Variants in HPF1 observed in about 807,000 individuals in gnomAD.
HPF1 encodes histone PARylation factor 1, also known as UPF0609 protein C4orf27.
HPF1 carries 35 observed loss-of-function variants against 38.8 expected under a neutral mutation model. That is an observed-to-expected ratio of 0.90 (90% confidence interval 0.69 to 1.19). The LOEUF (loss-of-function observed/expected upper bound fraction) is 1.19, where lower values mean the gene tolerates loss of function less well. HPF1 is among the 50% of genes most tolerant of loss of function. HPF1 has a pLI of 0.00. For synonymous variants in HPF1, 115 were observed against 139.2 expected (o/e 0.83, Z 1.22); for missense variants, 367 against 405.8 (o/e 0.90, Z 0.82).
At position 169,737,852 on chromosome 4, in the gene HPF1, A is replaced by G. The variant is rs573892274; in HGVS notation, c.649-105T>C. The G allele has an allele frequency of 8.7e-5, 65 of 749,058 alleles. No individual in the cohort carries two copies. In the African/African-American group the frequency reaches 1.0e-3, roughly 12 times the overall value. The allele number at this position is 749,058 out of a possible 1,614,324, so 46.4% of individuals were successfully genotyped here. A position where few individuals can be genotyped will look rare whatever the true frequency, so the allele number is the denominator to read the frequency against. ...ACATTTCTGCCAAAATGTAACATTT[A>G]ATCACATTTTATTTCAGTAAATTTG... On this transcript the variant is annotated intron_variant, in intron 5 of 7. Coordinates refer to ENST00000393381, the MANE Select transcript of HPF1 (RefSeq NM_017867.3).
intron 2 of HPF1, among the ~76,000 whole-genome samples, chr4:169,752,985 G>A (rs567605748): frequency 1.8e-4 from 26 of 148,258 alleles, no homozygotes; most frequent in African/African-American, 5.0e-4. Flanking sequence ...GAAACATCTT[G>A]GAAAATATTT....
intron 1 of HPF1, 47 bp from the exon 2 acceptor site, chr4:169,753,882 T>C (rs1734150808): frequency 2.0e-6 from 3 of 1,471,788 alleles, no homozygotes; most frequent in Non-Finnish European, 2.8e-6. Context: ...TCAGTAACTC[T>C]CCTTGCATAA....
chr4:169,745,855 T>C (rs1233191692), intron 4 of HPF1, among the ~76,000 whole-genome samples: 1 of 152,208 alleles, frequency 6.6e-6, no homozygotes, highest in Non-Finnish European at 1.5e-5. Context: ...GCTACCCTGG[T>C]GGCACTATCT....
intron 7 of HPF1, among the ~76,000 whole-genome samples, chr4:169,731,049 T>C (rs760217776): frequency 3.3e-5 from 5 of 152,198 alleles, no homozygotes; most frequent in Non-Finnish European, 7.3e-5. Flanking sequence ...GCAAAGGTGT[T>C]GGAAAGCTTG....
intron 5 of HPF1, among the ~76,000 whole-genome samples, chr4:169,739,104 G>A (rs1334422776): frequency 1.3e-5 from 2 of 152,048 alleles, no homozygotes; most frequent in South Asian, 2.1e-4. Flanking sequence ...AAACCTGCAC[G>A]TTGTGCACAT....
At chr4:169,756,070 C>T (rs1181682931) in intron 1 of HPF1, among the ~76,000 whole-genome samples, 1 of 152,146 alleles carries the variant, frequency 6.6e-6, no homozygotes, top group Non-Finnish European at 1.5e-5. Context: ...TCAATAATAG[C>T]AAATAGTAAT....
Position 169,742,084 on chromosome 4 carries a change from C to T in HPF1, c.521G>A (p.Arg174Lys), listed in dbSNP as rs1047642. The stretch of plus-strand genomic sequence containing the variant: ...GATTTTCTTTTTATCCGTTATTTCT[C>T]TAAGTTTTTTCGTCAAAAATAATCT... Reference protein sequence around the residue: ...AVKLFLTKKLREITDKKKINL... With the variant: ...AVKLFLTKKLKEITDKKKINL... The change falls in exon 5 of 8, where the codon AGA becomes AAA. Residue 174 changes from arginine (R) to lysine (K), a missense_variant. By Grantham distance (26) the Arg-to-Lys change is conservative. Transcript: ENST00000393381. The T allele has an allele frequency of 0.81, 1,310,740 of 1,610,430 alleles. 534,763 individuals carry two copies. Among genetic ancestry groups the T allele is most frequent in the East Asian group, 0.92 (41,370 of 44,856 alleles).
intron 5 of HPF1, among the ~76,000 whole-genome samples, chr4:169,740,829 T>C (rs71643129): frequency 0.013 from 1,932 of 152,288 alleles, 17 homozygotes; most frequent in South Asian, 0.034. Context: ...CTGAAATAAA[T>C]CATAGCTTGT....
chr4:169,743,723 C>G (rs568376473), intron 4 of HPF1, among the ~76,000 whole-genome samples: 3 of 151,882 alleles, frequency 2.0e-5, no homozygotes, highest in Admixed American at 2.0e-4. Context: ...GTGTGCCAGA[C>G]TTCCAGGAAG....
intron 5 of HPF1, among the ~76,000 whole-genome samples, chr4:169,741,714 T>G (rs900266852): frequency 6.6e-6 from 1 of 152,226 alleles, no homozygotes; most frequent in Non-Finnish European, 1.5e-5. Flanking sequence ...GCATGAGTTA[T>G]TCAACCACAG....
At chr4:169,737,521 A>C in intron 6 of HPF1, 139 bp downstream of exon 6, 1 of 629,586 alleles carries the variant, frequency 1.6e-6, no homozygotes, top group African/African-American at 1.8e-5. Flanking sequence ...TGACTCTAAA[A>C]CCTCAGCTTA....
At chr4:169,744,133 G>A (rs1020628379) in intron 4 of HPF1, among the ~76,000 whole-genome samples, 45 of 152,122 alleles carry the variant, frequency 3.0e-4, no homozygotes, top group African/African-American at 1.1e-3. Context: ...TGAATCAATC[G>A]ATCTTTACAG....
chr4:169,746,389 T>C (rs1734047345), intron 4 of HPF1, among the ~76,000 whole-genome samples: 1 of 152,076 alleles, frequency 6.6e-6, no homozygotes. Flanking sequence ...TCTTAGAATA[T>C]GCTTTCTAAG....
At position 169,742,042 on chromosome 4, in the gene HPF1, A is replaced by G. The variant is rs774255688; in HGVS notation, c.563T>C (p.Ile188Thr). 3 of 1,610,790 alleles carry G rather than the reference A, an allele frequency of 1.9e-6. No individual in the cohort carries two copies. In the South Asian group the frequency reaches 3.3e-5, roughly 18 times the overall value. Residue 188 changes from isoleucine (I) to threonine (T), a missense_variant, in exon 5 of 8, where the codon ATA becomes ACA. By Grantham distance (89) the Ile-to-Thr change is moderately conservative (BLOSUM62 -1). Transcript: ENST00000393381. ...DKKKINLLKNIDEKLTEAARE... is the reference protein window; with the variant it reads ...DKKKINLLKNTDEKLTEAARE... ...GGCTGCTTCTGTGAGTTTTTCATCT[A>G]TGTTTTTCAAGAGATTGATTTTCTT...
intron 6 of HPF1, among the ~76,000 whole-genome samples, chr4:169,734,073 C>T (rs1247443008): frequency 6.6e-6 from 1 of 152,178 alleles, no homozygotes; most frequent in African/African-American, 2.4e-5. Flanking sequence ...ACCAGTATCG[C>T]ATTGAACGAA....
Position 169,740,297 on chromosome 4 carries a change from A to G in HPF1, c.648+1660T>C, listed in dbSNP as rs1435026902. Among the ~76,000 whole-genome samples the G allele has an allele frequency of 2.6e-5, 4 of 152,208 alleles. No individual in the cohort carries two copies. The East Asian group carries it at 7.7e-4, about 29-fold the overall frequency. The stretch of plus-strand genomic sequence containing the variant: ...TTGGACAAGACACAAAACCTCTATA[A>G]CCCTCAATTTACTCATCTATAAAAT... On this transcript the variant is annotated intron_variant, in intron 5 of 7. Coordinates refer to ENST00000393381, the MANE Select transcript of HPF1 (RefSeq NM_017867.3).
At chr4:169,749,921 C>T (rs1196955240) in intron 3 of HPF1, among the ~76,000 whole-genome samples, 1 of 152,166 alleles carries the variant, frequency 6.6e-6, no homozygotes, top group East Asian at 1.9e-4. Flanking sequence ...GTGCATTCTG[C>T]TGTACTACAA....
intron 6 of HPF1, among the ~76,000 whole-genome samples, chr4:169,736,426 T>A (rs1179840921): frequency 1.3e-5 from 2 of 151,562 alleles, no homozygotes; most frequent in African/African-American, 2.4e-5. Context: ...GAGCCACCTG[T>A]GAGGCACTCA....
At chr4:169,731,653 AGAG>A (rs765747034) in intron 7 of HPF1, 48 bp downstream of exon 7, 2 of 1,379,784 alleles carry the variant, frequency 1.4e-6, no homozygotes, top group Non-Finnish European at 1.9e-6. Context: ...TGTCGCGGGG[AGAG>A]GAGGGAGGTG....
Sources: allele counts gnomAD v4.1 joint callset (sites outside exome capture counted in the v4.1 genomes callset), GRCh38; gene constraint gnomAD v4.1.1; transcripts MANE v1.5; gene names NCBI Gene and HGNC (gene_info 2026-07-23, HGNC 2026-07-21).